Variants in USP25 observed in about 807,000 individuals in gnomAD.
The protein encoded by USP25 is ubiquitin carboxyl-terminal hydrolase 25.
USP25 carries 85 observed loss-of-function variants against 158.5 expected under a neutral mutation model. That is an observed-to-expected ratio of 0.54 (90% CI 0.45 to 0.64). The LOEUF (loss-of-function observed/expected upper bound fraction) is 0.64, where lower values mean the gene tolerates loss of function less well. USP25 is among the 30% of genes least tolerant of loss of function. The probability of loss-of-function intolerance (pLI) is 0.00; values close to 1 mark genes in which losing one functional copy is unlikely to be tolerated. For synonymous variants in USP25, 464 were observed against 460.4 expected (o/e 1.01, Z -0.10); for missense variants, 1,242 against 1,327.3 (o/e 0.94, Z 1.00).
intron 5 of USP25, among the ~76,000 whole-genome samples, chr21:15,796,499 G>A (rs74801911): frequency 0.017 from 2,627 of 151,486 alleles, 68 homozygotes; most frequent in African/African-American, 0.058. Context: ...TGACTGCTGC[G>A]TAGTTGAGGA....
At chr21:15,822,900 C>A (rs910172312) in intron 10 of USP25, among the ~76,000 whole-genome samples, 1 of 151,966 alleles carries the variant, frequency 6.6e-6, no homozygotes, top group Non-Finnish European at 1.5e-5. Context: ...AGATAACCAT[C>A]CAGCTCAGGA....
At chr21:15,806,685 G>A (rs911096284) in intron 7 of USP25, among the ~76,000 whole-genome samples, 2 of 152,086 alleles carry the variant, frequency 1.3e-5, no homozygotes, top group African/African-American at 4.8e-5. Flanking sequence ...AAGTAGATGT[G>A]CATCAATTAA....
At chr21:15,787,948 C>T (rs976447082) in intron 4 of USP25, among the ~76,000 whole-genome samples, 2 of 110,416 alleles carry the variant, frequency 1.8e-5, no homozygotes, top group African/African-American at 7.4e-5. Flanking sequence ...TTAATGGAAA[C>T]ATGATGATCT....
chr21:15,864,454 G>A lies in USP25; in HGVS notation c.2726+8G>A, dbSNP rs907273738. ...TTTGAGTTTTGATGAAAGGTAATTT[G>A]AAAGTATAAAATTCATATGCTCAAA... On this transcript the variant is annotated splice_region_variant and intron_variant, in intron 21 of 25. Coordinates refer to ENST00000400183, the MANE Select transcript of USP25 (RefSeq NM_001283041.3). 1 of 1,585,118 alleles carries A rather than the reference G, an allele frequency of 6.3e-7. No homozygotes were observed. Among genetic ancestry groups the A allele is most frequent in the Non-Finnish European group, 8.6e-7 (1 of 1,169,166 alleles).
intron 1 of USP25, among the ~76,000 whole-genome samples, chr21:15,737,062 T>C (rs2031591172): frequency 6.6e-6 from 1 of 152,130 alleles, no homozygotes; most frequent in Admixed American, 6.6e-5. Context: ...CTGAAATCTG[T>C]GTTCTCAGGA....
intron 9 of USP25, among the ~76,000 whole-genome samples, chr21:15,815,883 G>C (rs1050642679): frequency 1.3e-5 from 2 of 152,170 alleles, no homozygotes; most frequent in African/African-American, 4.8e-5. Flanking sequence ...GTAGGCGGAA[G>C]GGACTTAACC....
chr21:15,740,542 T>G (rs2123210912), intron 1 of USP25, among the ~76,000 whole-genome samples: 1 of 151,190 alleles, frequency 6.6e-6, no homozygotes, highest in East Asian at 2.0e-4. Context: ...TACTTGCCCC[T>G]CTTACTCCTG....
rs746198338 is a variant in USP25, at chr21:15,833,384, G to T, written c.2030G>T (p.Gly677Val). The change falls in exon 17 of 26, where the codon GGT becomes GTT. Residue 677 changes from glycine to valine, a missense_variant. Physicochemically the swap from Gly to Val is moderately radical, Grantham distance 109 (BLOSUM62 -3). Around this residue, in one of 3 missense-constraint regions of USP25, gnomAD observed 608 missense variants for 605.2 expected, o/e 1.00. Transcript: ENST00000400183. Reference protein sequence around the residue: ...FNKETGQPLVGIETLPPDLRD... With the variant: ...FNKETGQPLVVIETLPPDLRD... The stretch of plus-strand genomic sequence containing the variant: ...AAAGAAACTGGGCAGCCCCTTGTTG[G>T]TATAGAAACATTACCACCGGATTTG... 4 of 1,613,794 alleles carry T rather than the reference G, an allele frequency of 2.5e-6. No individual in the cohort carries two copies. The African/African-American group carries it at 4.0e-5, about 16-fold the overall frequency.
At chr21:15,757,968 G>A (rs556312993) in intron 1 of USP25, among the ~76,000 whole-genome samples, 4 of 152,182 alleles carry the variant, frequency 2.6e-5, no homozygotes, top group Non-Finnish European at 5.9e-5. Flanking sequence ...TTAGCGTAAT[G>A]TGATTTTGTA....
intron 2 of USP25, among the ~76,000 whole-genome samples, chr21:15,763,666 A>G (rs1032703126): frequency 6.6e-6 from 1 of 152,252 alleles, no homozygotes; most frequent in Middle Eastern, 3.4e-3. Flanking sequence ...CATTTTTGCC[A>G]CTGCAGTCAT....
In USP25 at chr21:15,878,465, A is replaced by G; in HGVS notation, c.3368A>G (p.Asp1123Gly). The G allele has an allele frequency of 6.2e-7, 1 of 1,613,954 alleles. No homozygotes were observed. The highest frequency in any genetic ancestry group is 8.5e-7 in the Non-Finnish European group (1 of 1,179,880). Residue 1123 changes from aspartate to glycine, a missense_variant, in exon 26 of 26, where the codon GAT becomes GGT. Around this residue, in one of 3 missense-constraint regions of USP25, gnomAD observed 608 missense variants for 605.2 expected, o/e 1.00. Transcript: ENST00000400183. Reference protein sequence around the residue: ...IMLSLSRTPADGR With the variant: ...IMLSLSRTPAGGR ...TTGTCCCTCAGTCGAACTCCTGCTG[A>G]TGGAAGATAAACTGCACACTTTCCC...
At chr21:15,846,281 G>A (rs898461203) in intron 18 of USP25, among the ~76,000 whole-genome samples, 46 of 147,368 alleles carry the variant, frequency 3.1e-4, no homozygotes, top group Non-Finnish European at 5.3e-4. Context: ...TCATGCCTCA[G>A]CTTCCCAAGT....
chr21:15,877,730 T>G, intron 24 of USP25, 66 bp from the exon 25 acceptor site: 1 of 1,157,160 alleles, frequency 8.6e-7, no homozygotes, highest in Middle Eastern at 2.8e-4. Flanking sequence ...TTATTAATAC[T>G]TACAGATCCT....
chr21:15,833,885 C>G (rs2037932190), intron 17 of USP25, among the ~76,000 whole-genome samples: 1 of 151,822 alleles, frequency 6.6e-6, no homozygotes, highest in Admixed American at 6.6e-5. Flanking sequence ...CTAAAGCTAT[C>G]AAGAGTATCA....
At chr21:15,752,548 A>G (rs2033101982) in intron 1 of USP25, among the ~76,000 whole-genome samples, 2 of 152,214 alleles carry the variant, frequency 1.3e-5, no homozygotes, top group Admixed American at 1.3e-4. Context: ...CATAAACATG[A>G]TGCAGATATG....
intron 7 of USP25, among the ~76,000 whole-genome samples, chr21:15,806,855 T>C (rs757728830): frequency 2.4e-4 from 36 of 152,212 alleles, no homozygotes; most frequent in Admixed American, 6.5e-5. Flanking sequence ...ACATCATCTT[T>C]TGAAGTACAC....
chr21:15,770,059 T>C (rs551303885), intron 3 of USP25, among the ~76,000 whole-genome samples: 1 of 152,192 alleles, frequency 6.6e-6, no homozygotes, highest in South Asian at 2.1e-4. Context: ...GAATTCTAGT[T>C]ATGGCTATCT....
chr21:15,871,042 C>T (rs2039865308), intron 23 of USP25, among the ~76,000 whole-genome samples: 1 of 152,160 alleles, frequency 6.6e-6, no homozygotes, highest in Non-Finnish European at 1.5e-5. Context: ...TTTTAGCCAG[C>T]ACAGAACATT....
intron 9 of USP25, among the ~76,000 whole-genome samples, chr21:15,817,572 G>A (rs916145823): frequency 6.6e-6 from 1 of 152,152 alleles, no homozygotes; most frequent in Non-Finnish European, 1.5e-5. Flanking sequence ...GCAAAAGAAA[G>A]AGGTTTAATG....
Sources: gnomAD v4.1 joint callset for allele counts (sites outside exome capture counted in the v4.1 genomes callset) on GRCh38, gnomAD v4.1.1 for gene constraint, gnomAD v4.1.1 regional missense constraint, MANE v1.5 for transcripts, NCBI Gene and HGNC (gene_info 2026-07-23, HGNC 2026-07-21) for gene names.